NAV2: variants seen among roughly 807,000 people sequenced by gnomAD.
The protein encoded by NAV2 is neuron navigator 2.
In NAV2, 54 loss-of-function variants were observed where a neutral mutation model predicts 223.2. The observed-to-expected ratio is 0.24, with a 90% CI of 0.19 to 0.30. The LOEUF (loss-of-function observed/expected upper bound fraction) is 0.30. Among genes scored for constraint, NAV2 ranks in the 10% least tolerant of loss-of-function variants. NAV2 has a pLI of 1.00. For missense variants in NAV2, 2,806 were observed against 3,147.5 expected (o/e 0.89, Z 2.60); for synonymous variants, 1,279 against 1,239.3 (o/e 1.03, Z -0.67).
At chr11:19,793,299 C>T (rs940729943) in intron 1 of NAV2, among the ~76,000 whole-genome samples, 1 of 150,498 alleles carries the variant, frequency 6.6e-6, no homozygotes, top group Non-Finnish European at 1.5e-5. Context: ...TGTATCACAA[C>T]AGCTGATTAT....
Position 19,822,132 on chromosome 11 carries a change from G to C in NAV2, c.268-10352G>C, listed in dbSNP as rs150030942. Among the ~76,000 whole-genome samples, 15 of 152,284 alleles carry C rather than the reference G, an allele frequency of 9.9e-5. No homozygotes were observed. The East Asian group carries it at 2.9e-3, about 29-fold the overall frequency. ...TGGTAATTATAATCACAGCTAACCT[G>C]TTGAGCCCTTGCCGTGTGTCAGGCA... On this transcript the variant is annotated intron_variant, in intron 1 of 37. Coordinates refer to ENST00000349880, the MANE Select transcript of NAV2 (RefSeq NM_145117.5).
intron 1 of NAV2, among the ~76,000 whole-genome samples, chr11:19,402,756 G>A (rs1849739196): frequency 6.6e-6 from 1 of 152,218 alleles, no homozygotes; most frequent in Admixed American, 6.5e-5. Context: ...CTGTCTCCAT[G>A]TGAGCATTGC....
intron 6 of NAV2, among the ~76,000 whole-genome samples, chr11:19,898,763 A>T (rs2042206400): frequency 6.6e-6 from 1 of 152,164 alleles, no homozygotes; most frequent in Non-Finnish European, 1.5e-5. Context: ...CTATTTATAT[A>T]CCCATCAACA....
intron 10 of NAV2, among the ~76,000 whole-genome samples, chr11:19,955,593 G>T (rs1304094166): frequency 1.3e-5 from 2 of 152,164 alleles, no homozygotes; most frequent in African/African-American, 2.4e-5. Context: ...GAAAAAGAGA[G>T]AACTAGGGGC....
chr11:19,528,717 G>A (rs2043925714), intron 1 of NAV2, among the ~76,000 whole-genome samples: 1 of 152,192 alleles, frequency 6.6e-6, no homozygotes, highest in East Asian at 1.9e-4. Flanking sequence ...AGATCACGAG[G>A]TCAAGAGATC....
chr11:19,389,955 A>G (rs1184199920), intron 1 of NAV2, among the ~76,000 whole-genome samples: 2 of 152,264 alleles, frequency 1.3e-5, no homozygotes, highest in Middle Eastern at 3.4e-3. Flanking sequence ...CCCTCTATTC[A>G]TGGCCCAGGC....
chr11:19,481,048 G>A (rs2042262999), intron 1 of NAV2, among the ~76,000 whole-genome samples: 1 of 152,178 alleles, frequency 6.6e-6, no homozygotes, highest in Admixed American at 6.5e-5. Flanking sequence ...CTGCAGCCCG[G>A]ACAGGTGACT....
rs752465242 is a variant in NAV2, at chr11:19,832,526, C to T, written c.310C>T (p.His104Tyr). 6.2e-7 allele frequency: 1 copy of T among 1,614,192 alleles called. No individual in the cohort carries two copies. The highest frequency in any genetic ancestry group is 1.1e-5 in the South Asian group (1 of 91,076). The stretch of plus-strand genomic sequence containing the variant: ...CAATCATTACCTAGCCAAATCCGGC[C>T]ACAAGCGTCTCATCAGGGATCTCCA... ...WANHYLAKSG[H>Y]KRLIRDLQQD... The change falls in exon 2 of 38, where the codon CAC becomes TAC. Residue 104 changes from histidine to tyrosine, a missense_variant. Around this residue, in one of 4 missense-constraint regions of NAV2, gnomAD observed 1,167 missense variants for 1,180.5 expected, o/e 0.99. Coordinates refer to ENST00000349880, the MANE Select transcript of NAV2 (RefSeq NM_145117.5).
intron 1 of NAV2, among the ~76,000 whole-genome samples, chr11:19,369,045 G>A (rs892333950): frequency 1.3e-5 from 2 of 152,218 alleles, no homozygotes; most frequent in African/African-American, 4.8e-5. Context: ...AAGTGTGCTG[G>A]AGAAGCAAGC....
intron 10 of NAV2, chr11:19,979,107 G>A (rs1272562822): frequency 3.3e-5 from 5 of 152,176 alleles, no homozygotes; most frequent in Admixed American, 2.6e-4. Context: ...TGACTGGAGG[G>A]ATGGTGAGGA....
chr11:19,787,093 T>C (rs1019397678), intron 1 of NAV2, among the ~76,000 whole-genome samples: 1 of 151,896 alleles, frequency 6.6e-6, no homozygotes, highest in African/African-American at 2.4e-5. Context: ...TGCTGCATTT[T>C]TATTTTATTT....
Position 19,466,984 on chromosome 11 carries a change from T to TCTACACACACAC in NAV2, c.75+115957_75+115958insCTACACACACAC, listed in dbSNP as rs200910419. ...TCTTGTTCTCTCTTCTCTCTCTCTC[T>TCTACACACACAC]ACACACACACACACACACACACACA... On this transcript the variant is annotated intron_variant, in intron 1 of 37. Transcript: ENST00000360655. Among the ~76,000 whole-genome samples, 130 of 125,192 alleles carry TCTACACACACAC rather than the reference T, an allele frequency of 1.0e-3. 1 individual carries two copies. The highest frequency in any genetic ancestry group is 3.8e-3 in the African/African-American group (123 of 32,686). 82.1% of individuals were successfully genotyped at this position (125,192 alleles called of 152,430 possible).
At chr11:19,469,373 C>T (rs1383584639) in intron 1 of NAV2, among the ~76,000 whole-genome samples, 1 of 152,148 alleles carries the variant, frequency 6.6e-6, no homozygotes, top group Non-Finnish European at 1.5e-5. Flanking sequence ...TAGCAAGGGG[C>T]TTATAAGTTT....
chr11:20,094,797 C>A (rs2061129712), intron 29 of NAV2, among the ~76,000 whole-genome samples: 1 of 152,204 alleles, frequency 6.6e-6, no homozygotes, highest in Admixed American at 6.5e-5. Flanking sequence ...CACTGCAAGA[C>A]TGCTGCTCTT....
intron 1 of NAV2, among the ~76,000 whole-genome samples, chr11:19,513,606 A>G (rs776417243): frequency 6.6e-6 from 1 of 152,072 alleles, no homozygotes; most frequent in Non-Finnish European, 1.5e-5. Flanking sequence ...TGATGCTCCC[A>G]TTATTTTCGT....
rs775245511 is a variant in NAV2, at chr11:19,933,494, G to A, written c.1250G>A (p.Gly417Asp). The change falls in exon 7 of 38, where the codon GGT becomes GAT. Residue 417 changes from glycine (G) to aspartate (D), a missense_variant. By Grantham distance (94) the Gly-to-Asp change is moderately conservative. Transcript: ENST00000349880. This position sits in a 1 kb window ranked among gnomAD's most constrained non-coding sequence, Gnocchi z 4.3. ...LFNSKGGSKA[G>D]EGPGSRDTSC... ...AACAGTAAAGGGGGCTCAAAGGCAGGTGAGGGGCCGGGGTCCCGGGACACA... is the reference window on the plus strand; with the variant it reads ...AACAGTAAAGGGGGCTCAAAGGCAGATGAGGGGCCGGGGTCCCGGGACACA... 6.2e-7 allele frequency: 1 copy of A among 1,611,120 alleles called. No individual in the cohort carries two copies. The highest frequency in any genetic ancestry group is 8.5e-7 in the Non-Finnish European group (1 of 1,178,788).
rs1015043889 is a variant in NAV2 at position 20,097,583 on chromosome 11, A to G, written c.6019A>G (p.Ile2007Val). ...GVVRRLFKEYIIHVDPVSQLG... is the reference protein window; with the variant it reads ...GVVRRLFKEYVIHVDPVSQLG... ...TATTTTTTATTTTTTCCAGGAATAC[A>G]TCATTCATGTCGACCCAGTGAGTCA... The change falls in exon 31 of 38, where the codon ATC becomes GTC. Residue 2007 changes from isoleucine to valine, a missense_variant. By Grantham distance (29) the Ile-to-Val change is conservative (BLOSUM62 3). Coordinates refer to ENST00000349880, the MANE Select transcript of NAV2 (RefSeq NM_145117.5). The G allele has an allele frequency of 2.5e-6, 4 of 1,590,132 alleles. No individual in the cohort carries two copies. The highest frequency in any genetic ancestry group is 3.8e-5 in the Admixed American group (2 of 52,898).
chr11:19,417,662 AC>A (rs1850432631), intron 1 of NAV2, among the ~76,000 whole-genome samples: 1 of 152,246 alleles, frequency 6.6e-6, no homozygotes, highest in African/African-American at 2.4e-5. Context: ...TTATTGCAGC[AC>A]TATTCACAAT....
intron 11 of NAV2, among the ~76,000 whole-genome samples, chr11:19,997,532 G>T: frequency 6.6e-6 from 1 of 152,100 alleles, no homozygotes; most frequent in Non-Finnish European, 1.5e-5. Context: ...CTATGTTCTA[G>T]GTGTTCTCCT....
Sources: allele counts gnomAD v4.1 joint callset (sites outside exome capture counted in the v4.1 genomes callset), GRCh38; gene constraint gnomAD v4.1.1; regional missense constraint gnomAD v4.1.1; non-coding constraint Gnocchi (gnomAD v3.1); transcripts MANE v1.5; gene names NCBI Gene and HGNC (gene_info 2026-07-23, HGNC 2026-07-21).